SLC8A1: variants seen among roughly 807,000 people sequenced by gnomAD.
The protein encoded by SLC8A1 is sodium/calcium exchanger 1.
A neutral mutation model predicts 68.3 loss-of-function variants in SLC8A1; 18 were observed. The ratio of observed to expected loss-of-function variants is 0.26; its 90% CI spans 0.18 to 0.39. SLC8A1 has a LOEUF of 0.39. SLC8A1 is among the 10% of genes least tolerant of loss of function. The pLI is 1.00. For missense variants in SLC8A1, 985 were observed against 1,156.7 expected, an observed-to-expected ratio of 0.85 and a Z score of 2.15; for synonymous variants, 475 against 415.5, an observed-to-expected ratio of 1.14 and a Z score of -1.74.
exon 8 of SLC8A1, chr2:40,112,499 A>G (rs2034662388): frequency 6.5e-6 from 1 of 152,708 alleles, no homozygotes; most frequent in South Asian, 2.1e-4. Context: ...CCAATGCAAG[A>G]ATTTCTTAAA....
intron 2 of SLC8A1, among the ~76,000 whole-genome samples, chr2:40,186,169 A>G (rs939388940): frequency 6.6e-6 from 1 of 152,226 alleles, no homozygotes; most frequent in African/African-American, 2.4e-5. Context: ...TGTGTTTACT[A>G]TAAAAGCAAA....
At chr2:40,316,434 A>G (rs2074457252) in intron 2 of SLC8A1, among the ~76,000 whole-genome samples, 1 of 152,078 alleles carries the variant, frequency 6.6e-6, no homozygotes, top group African/African-American at 2.4e-5. Flanking sequence ...AACGTCGTAT[A>G]GGAACACAAA....
In SLC8A1 at chr2:40,434,389, T is replaced by C. The variant is rs954836228; in HGVS notation, c.-24-4085A>G. 3.3e-5 allele frequency among the ~76,000 whole-genome samples: 5 copies of C among 152,184 alleles called. No homozygotes were observed. The East Asian group carries it at 9.6e-4, about 29-fold the overall frequency. ...TACCAAATTCAAATGCCCACGAAGA[T>C]GTGGAATAGATGTTATCTAAATGTG... On this transcript the variant is annotated intron_variant, in intron 1 of 7. Coordinates refer to ENST00000406785, the Ensembl canonical transcript of SLC8A1.
intron 2 of SLC8A1, among the ~76,000 whole-genome samples, chr2:40,213,787 C>G (rs558652247): frequency 3.9e-5 from 6 of 152,310 alleles, no homozygotes; most frequent in African/African-American, 1.4e-4. Flanking sequence ...CTCACACTGC[C>G]AAGCCTTTCT....
At chr2:40,505,715 C>CAAG in intron 1 of SLC8A1, among the ~76,000 whole-genome samples, 1 of 152,042 alleles carries the variant, frequency 6.6e-6, no homozygotes, top group South Asian at 2.1e-4. Context: ...GAAGACTTAT[C>CAAG]TGTACTTTTA....
intron 2 of SLC8A1, among the ~76,000 whole-genome samples, chr2:40,407,628 C>T (rs1431207136): frequency 6.6e-6 from 1 of 152,196 alleles, no homozygotes; most frequent in African/African-American, 2.4e-5. Context: ...GGAGCTCCCA[C>T]AGCTCTTGGT....
chr2:40,443,137 G>T (rs1355132612), intron 1 of SLC8A1, among the ~76,000 whole-genome samples: 1 of 152,070 alleles, frequency 6.6e-6, no homozygotes, highest in Non-Finnish European at 1.5e-5. Flanking sequence ...AGAACATTAG[G>T]ACAAATACCT....
chr2:40,383,096 A>T (rs556353443), intron 2 of SLC8A1, among the ~76,000 whole-genome samples: 98 of 152,142 alleles, frequency 6.4e-4, no homozygotes, highest in Middle Eastern at 3.4e-3. Flanking sequence ...CCCTGCTTTG[A>T]TTTTGTTTTT....
intron 2 of SLC8A1, among the ~76,000 whole-genome samples, chr2:40,376,368 G>A (rs1278069809): frequency 3.9e-5 from 6 of 152,156 alleles, no homozygotes; most frequent in Middle Eastern, 3.4e-3. Flanking sequence ...TGGTTTGTTC[G>A]CCTACAATTT....
At chr2:40,387,161 C>G (rs1683828875) in intron 2 of SLC8A1, among the ~76,000 whole-genome samples, 1 of 151,446 alleles carries the variant, frequency 6.6e-6, no homozygotes, top group Non-Finnish European at 1.5e-5. Flanking sequence ...CTCTGTCTTT[C>G]TTTCCTTGTA....
At chr2:40,227,167 A>T (rs1337977784) in intron 2 of SLC8A1, among the ~76,000 whole-genome samples, 3 of 152,146 alleles carry the variant, frequency 2.0e-5, no homozygotes, top group African/African-American at 7.2e-5. Context: ...TTTAAAATTC[A>T]ACATTTAAGT....
chr2:40,193,125 G>C (rs892970430), intron 2 of SLC8A1, among the ~76,000 whole-genome samples: 3 of 152,052 alleles, frequency 2.0e-5, no homozygotes, highest in African/African-American at 7.2e-5. Context: ...TTAGTAAAAG[G>C]CAGCTTACAT....
intron 2 of SLC8A1, among the ~76,000 whole-genome samples, chr2:40,340,005 C>T (rs1282549507): frequency 6.6e-6 from 1 of 152,150 alleles, no homozygotes; most frequent in Non-Finnish European, 1.5e-5. Context: ...CTGTGGATGT[C>T]CACTGACTAT....
intron 1 of SLC8A1, among the ~76,000 whole-genome samples, chr2:40,435,098 T>A (rs1175447167): frequency 1.3e-5 from 2 of 152,194 alleles, no homozygotes; most frequent in Non-Finnish European, 2.9e-5. Flanking sequence ...ACAGTCATCC[T>A]AATGGCATCC....
chr2:40,473,645 G>T (rs1205935712), intron 1 of SLC8A1, among the ~76,000 whole-genome samples: 2 of 152,176 alleles, frequency 1.3e-5, no homozygotes, highest in Admixed American at 1.3e-4. Context: ...ATATGAAATG[G>T]GTTGCCACAC....
intron 2 of SLC8A1, among the ~76,000 whole-genome samples, chr2:40,322,483 C>T (rs1471148552): frequency 7.0e-6 from 1 of 142,048 alleles, no homozygotes; most frequent in Non-Finnish European, 1.5e-5. Flanking sequence ...ATAGAGAGAC[C>T]TCATCTCTAC....
chr2:40,119,363 G>A (rs13433080), intron 7 of SLC8A1, among the ~76,000 whole-genome samples: 37,788 of 151,454 alleles, frequency 0.25, 5,275 homozygotes, highest in East Asian at 0.64. Context: ...AGGAACACAC[G>A]CAAATCCAAA....
At chr2:40,232,393 TATTTTTTTTTTGTCTTCA>T (rs1236373765) in intron 2 of SLC8A1, among the ~76,000 whole-genome samples, 64 of 53,024 alleles carry the variant, frequency 1.2e-3, no homozygotes, top group African/African-American at 3.3e-3. Flanking sequence ...TGGTGCAAGT[TATTTTTTTTTTGTCTTCA>T]GTTTTTTTTT....
chr2:40,158,544 G>C (rs1250535458), intron 6 of SLC8A1, among the ~76,000 whole-genome samples: 3 of 152,136 alleles, frequency 2.0e-5, no homozygotes, highest in Non-Finnish European at 4.4e-5. Flanking sequence ...TCATATCTCA[G>C]TTATTAACAA....
Sources: allele counts gnomAD v4.1 joint callset (sites outside exome capture counted in the v4.1 genomes callset), GRCh38; gene constraint gnomAD v4.1.1; transcripts MANE v1.5; gene names NCBI Gene and HGNC (gene_info 2026-07-23, HGNC 2026-07-21).